TBC1D14: variants seen among roughly 807,000 people sequenced by gnomAD.
TBC1D14 encodes TBC1 domain family member 14.
Under a neutral mutation model 79.0 loss-of-function variants are expected in TBC1D14, and 26 were observed. The observed-to-expected ratio is 0.33, with a 90% CI of 0.24 to 0.46. The LOEUF (loss-of-function observed/expected upper bound fraction) is 0.46. TBC1D14 is among the 20% of genes least tolerant of loss of function. The pLI is 1.00. For missense variants in TBC1D14, 769 were observed against 887.6 expected (o/e 0.87, Z 1.70); for synonymous variants, 394 against 349.9 (o/e 1.13, Z -1.40).
intron 3 of TBC1D14, among the ~76,000 whole-genome samples, chr4:6,992,266 A>G (rs1016846572): frequency 1.3e-5 from 2 of 152,248 alleles, no homozygotes; most frequent in African/African-American, 4.8e-5. Context: ...ATCTGGCTGC[A>G]GAGGCCACAC....
chr4:6,975,394 G>A (rs1282025848), intron 3 of TBC1D14, among the ~76,000 whole-genome samples: 1 of 152,032 alleles, frequency 6.6e-6, no homozygotes, highest in Non-Finnish European at 1.5e-5. Flanking sequence ...ATTTTTTGTA[G>A]AGACAAGGTT....
At chr4:7,004,316 C>A (rs1427627499) in intron 7 of TBC1D14, among the ~76,000 whole-genome samples, 1 of 152,244 alleles carries the variant, frequency 6.6e-6, no homozygotes. Context: ...CTGGGATCTT[C>A]CCCCACCCCT....
chr4:6,936,024 A>G (rs901158772), intron 2 of TBC1D14, among the ~76,000 whole-genome samples: 2 of 152,236 alleles, frequency 1.3e-5, no homozygotes, highest in African/African-American at 4.8e-5. Flanking sequence ...GGTTTACAGC[A>G]AAATTAAGCA....
At chr4:6,953,595 G>A (rs1430017790) in intron 2 of TBC1D14, among the ~76,000 whole-genome samples, 1 of 116,148 alleles carries the variant, frequency 8.6e-6, no homozygotes, top group Admixed American at 1.2e-4. Flanking sequence ...TTGCGCCACT[G>A]CACTCCAGCC....
At chr4:6,980,010 A>C (rs1287209084) in intron 3 of TBC1D14, among the ~76,000 whole-genome samples, 1 of 152,356 alleles carries the variant, frequency 6.6e-6, no homozygotes, top group East Asian at 1.9e-4. Context: ...CTGTAGACAG[A>C]ATCAGCCAGG....
chr4:7,012,879 C>A (rs1353094249), intron 11 of TBC1D14, among the ~76,000 whole-genome samples: 3 of 152,178 alleles, frequency 2.0e-5, no homozygotes, highest in African/African-American at 7.2e-5. Flanking sequence ...AGGAAGCGTT[C>A]TTACTCTTGA....
chr4:6,952,663 T>C (rs976124963), intron 2 of TBC1D14, among the ~76,000 whole-genome samples: 2 of 152,234 alleles, frequency 1.3e-5, no homozygotes, highest in Admixed American at 6.5e-5. Flanking sequence ...TGCATACATA[T>C]AAACACACAG....
At chr4:6,945,239 T>G (rs1039665649) in intron 2 of TBC1D14, among the ~76,000 whole-genome samples, 3 of 152,100 alleles carry the variant, frequency 2.0e-5, no homozygotes, top group Non-Finnish European at 4.4e-5. Context: ...GCCACTGAGC[T>G]TTAGAAGCCT....
chr4:6,934,764 C>T (rs1458225145), intron 2 of TBC1D14, among the ~76,000 whole-genome samples: 3 of 152,082 alleles, frequency 2.0e-5, no homozygotes, highest in Non-Finnish European at 4.4e-5. Flanking sequence ...CAGGCAAAAG[C>T]GAAACTGGAG....
At chr4:6,936,258 G>A (rs780320864) in intron 2 of TBC1D14, among the ~76,000 whole-genome samples, 2 of 152,182 alleles carry the variant, frequency 1.3e-5, no homozygotes, top group Admixed American at 6.6e-5. Flanking sequence ...TGCCGTGGCC[G>A]TATCACACTG....
chr4:7,000,642 C>T (rs1015744238), intron 6 of TBC1D14, among the ~76,000 whole-genome samples: 14 of 152,178 alleles, frequency 9.2e-5, no homozygotes, highest in Admixed American at 5.2e-4. Flanking sequence ...AGTTCTTCTC[C>T]GCAGTTAGAA....
intron 12 of TBC1D14, 23 bp from the exon 13 acceptor site, chr4:7,024,981 A>C (rs1362679696): frequency 1.2e-6 from 2 of 1,610,302 alleles, no homozygotes. Context: ...AAAATCTGAA[A>C]AATTCCAACT....
chr4:6,938,176 A>G (rs939642624), intron 2 of TBC1D14, among the ~76,000 whole-genome samples: 1 of 152,116 alleles, frequency 6.6e-6, no homozygotes, highest in Non-Finnish European at 1.5e-5. Flanking sequence ...ACAGCACCCC[A>G]TCCTCAGGGA....
chr4:7,026,883 G>A (rs532376327), intron 13 of TBC1D14, among the ~76,000 whole-genome samples: 1 of 152,150 alleles, frequency 6.6e-6, no homozygotes, highest in South Asian at 2.1e-4. Flanking sequence ...GGCAACAGAG[G>A]AAGACCCTGT....
intron 9 of TBC1D14, among the ~76,000 whole-genome samples, chr4:7,007,067 G>A (rs1324168329): frequency 6.6e-6 from 1 of 152,218 alleles, no homozygotes; most frequent in Non-Finnish European, 1.5e-5. Flanking sequence ...TCTCAGGACT[G>A]TGTGTAGCAG....
chr4:7,022,942 A>G (rs1721974969), intron 12 of TBC1D14, among the ~76,000 whole-genome samples: 1 of 152,124 alleles, frequency 6.6e-6, no homozygotes, highest in Non-Finnish European at 1.5e-5. Context: ...TAAAATATGT[A>G]TGGGTATAAA....
At position 6,999,007 on chromosome 4, in the gene TBC1D14, G is replaced by A. The variant is rs2109187270; in HGVS notation, c.1046-78G>A. 2.1e-6 allele frequency: 3 copies of A among 1,439,938 alleles called. No individual in the cohort carries two copies. The South Asian group carries it at 3.6e-5, about 17-fold the overall frequency. The allele number at this position is 1,439,938 out of a possible 1,614,324, so 89.2% of individuals were successfully genotyped here. A position where few individuals can be genotyped will look rare whatever the true frequency, so the allele number is the denominator to read the frequency against. On this transcript the variant is annotated intron_variant, in intron 5 of 13. Coordinates refer to ENST00000409757, the MANE Select transcript of TBC1D14 (RefSeq NM_020773.3). ...GCGGTTTTCCTGGTGTGTTCGCAGTGTGACAGGAAAATCACCTTGCCTGGA... is the reference window on the plus strand; with the variant it reads ...GCGGTTTTCCTGGTGTGTTCGCAGTATGACAGGAAAATCACCTTGCCTGGA...
chr4:7,014,369 G>A, intron 11 of TBC1D14, 79 bp from the exon 12 acceptor site: 1 of 865,606 alleles, frequency 1.2e-6, no homozygotes, highest in Non-Finnish European at 1.9e-6. Context: ...AGAGTCTAAA[G>A]ATATACATAT....
At chr4:6,979,464 G>GA (rs952427531) in intron 3 of TBC1D14, among the ~76,000 whole-genome samples, 23 of 152,064 alleles carry the variant, frequency 1.5e-4, no homozygotes. Flanking sequence ...TGTCTCTATT[G>GA]AAAAAATTTA....
Sources: allele counts gnomAD v4.1 joint callset (sites outside exome capture counted in the v4.1 genomes callset), GRCh38; gene constraint gnomAD v4.1.1; transcripts MANE v1.5; gene names NCBI Gene and HGNC (gene_info 2026-07-23, HGNC 2026-07-21).